The following RIDA variants were observed in gnomAD, a reference collection of about 807,000 sequenced individuals.
RIDA encodes the protein 2-iminobutanoate/2-iminopropanoate deaminase.
In RIDA, 17 loss-of-function variants were observed where a neutral mutation model predicts 17.8. The ratio of observed to expected loss-of-function variants is 0.96; its 90% CI spans 0.65 to 1.43. The LOEUF is 1.43. RIDA is among the 40% of genes most tolerant of loss of function. The pLI is 0.00. For missense variants in RIDA, 158 were observed against 161.7 expected, an observed-to-expected ratio of 0.98 and a Z score of 0.12; for synonymous variants, 48 against 55.7, an observed-to-expected ratio of 0.86 and a Z score of 0.62.
At chr8:98,113,902 T>G (rs1451382843) in intron 1 of RIDA, 1 of 152,220 alleles carries the variant, frequency 6.6e-6, no homozygotes, top group African/African-American at 2.4e-5. Flanking sequence ...ATCCCCTAAC[T>G]ATTCTCACTT....
Position 98,102,713 on chromosome 8 carries a change from A to G in RIDA, c.*129T>C. The stretch of plus-strand genomic sequence containing the variant: ...CTCCCTATTACATGGTATTTCCATA[A>G]TAGCTTCAGATATTTTCATCAAACT... On this transcript the variant is annotated 3_prime_UTR_variant, in exon 6 of 6. Transcript: ENST00000254878. 6.2e-6 allele frequency: 4 copies of G among 642,012 alleles called. No individual in the cohort carries two copies. Among genetic ancestry groups the G allele is most frequent in the Non-Finnish European group, 1.1e-5 (4 of 373,794 alleles). The allele number at this position is 642,012 out of a possible 1,614,324, so 39.8% of individuals were successfully genotyped here. A position where few individuals can be genotyped will look rare whatever the true frequency, so the allele number is the denominator to read the frequency against.
intron 2 of RIDA, among the ~76,000 whole-genome samples, chr8:98,108,352 G>T (rs1466356750): frequency 1.3e-5 from 2 of 149,762 alleles, no homozygotes; most frequent in Non-Finnish European, 1.5e-5. Context: ...GCCCTGAGAA[G>T]AAAATTTCCC....
chr8:98,116,994 C>A (rs1236249568), intron 1 of RIDA, 38 bp downstream of exon 1: 2 of 1,563,562 alleles, frequency 1.3e-6, no homozygotes, highest in African/African-American at 2.7e-5. Flanking sequence ...CGAACCCGCA[C>A]GCCCTGGGTC....
chr8:98,110,610 A>G (rs1815713608), intron 1 of RIDA, among the ~76,000 whole-genome samples: 1 of 152,218 alleles, frequency 6.6e-6, no homozygotes, highest in Non-Finnish European at 1.5e-5. Flanking sequence ...ATAGCTGTAA[A>G]GCAAAAAAAT....
At position 98,105,343 on chromosome 8, in the gene RIDA, T is replaced by C. The variant is rs534832285; in HGVS notation, c.295+595A>G. ...AAGTAACGATGCTTTTTCCAAGTTA[T>C]ACCTTTGCCTCATCCCATTAGGTGT... On this transcript the variant is annotated intron_variant, in intron 4 of 5. Transcript: ENST00000254878. Among the ~76,000 whole-genome samples the C allele has an allele frequency of 2.6e-4, 39 of 152,266 alleles. No individual in the cohort carries two copies. The South Asian group carries it at 7.7e-3, about 30-fold the overall frequency.
intron 1 of RIDA, among the ~76,000 whole-genome samples, chr8:98,109,237 T>C (rs1384640047): frequency 1.3e-5 from 2 of 152,032 alleles, no homozygotes; most frequent in Non-Finnish European, 2.9e-5. Context: ...AGGCAAGTCA[T>C]AGATTGGGAG....
At chr8:98,112,312 C>T (rs112091954) in intron 1 of RIDA, among the ~76,000 whole-genome samples, 328 of 152,108 alleles carry the variant, frequency 2.2e-3, no homozygotes, top group African/African-American at 7.5e-3. Flanking sequence ...GATCCTGCCT[C>T]GTGTTGTAAC....
At chr8:98,115,154 G>T (rs981107483) in intron 1 of RIDA, among the ~76,000 whole-genome samples, 1 of 152,072 alleles carries the variant, frequency 6.6e-6, no homozygotes, top group Non-Finnish European at 1.5e-5. Context: ...TTGGGAAGCC[G>T]AGGTAGGTGG....
intron 2 of RIDA, 38 bp from the exon 3 acceptor site, chr8:98,106,364 T>C: frequency 2.6e-6 from 4 of 1,542,634 alleles, no homozygotes; most frequent in Non-Finnish European, 3.6e-6. Flanking sequence ...GTCACTGATG[T>C]TAGATTTAAA....
chr8:98,105,885 C>T, intron 4 of RIDA, 53 bp downstream of exon 4: 1 of 1,078,614 alleles, frequency 9.3e-7, no homozygotes, highest in African/African-American at 1.6e-5. Context: ...TTAATGTGAC[C>T]AGATTTCTTT....
chr8:98,102,371 G>A lies in RIDA; in HGVS notation c.*471C>T, dbSNP rs1022962524. The A allele has an allele frequency of 6.6e-6, 1 of 152,184 alleles. No individual in the cohort carries two copies. The highest frequency in any genetic ancestry group is 1.5e-5 in the Non-Finnish European group (1 of 68,084). The allele number at this position is 152,184 out of a possible 1,614,324, so 9.4% of individuals were successfully genotyped here. A position where few individuals can be genotyped will look rare whatever the true frequency, so the allele number is the denominator to read the frequency against. The stretch of plus-strand genomic sequence containing the variant: ...AAATCTGCCTATTTTATTTCCATTA[G>A]AAAAATATTATCTATATAACATTTT... On this transcript the variant is annotated 3_prime_UTR_variant, in exon 6 of 6. Coordinates refer to ENST00000254878, the MANE Select transcript of RIDA (RefSeq NM_005836.3).
chr8:98,105,612 A>G (rs191178402), intron 4 of RIDA, among the ~76,000 whole-genome samples: 1 of 152,246 alleles, frequency 6.6e-6, no homozygotes, highest in African/African-American at 2.4e-5. Flanking sequence ...TGGCTGCACC[A>G]TACAGCCACA....
At chr8:98,108,519 A>C in intron 2 of RIDA, 127 bp downstream of exon 2, 1 of 649,094 alleles carries the variant, frequency 1.5e-6, no homozygotes, top group Non-Finnish European at 2.8e-6. Context: ...TAAATCAAGC[A>C]GTAAGTAGTT....
At position 98,117,104 on chromosome 8, in the gene RIDA, C is replaced by T. The variant is rs551012199; in HGVS notation, c.-8G>A. Reference sequence around the variant, plus strand: ...TCTGATCAAGGACGACATGGCTAAGCCTTCCCTCTTGCAGCCCCTTCAGGA... The same window carrying T: ...TCTGATCAAGGACGACATGGCTAAGTCTTCCCTCTTGCAGCCCCTTCAGGA... On this transcript the variant is annotated 5_prime_UTR_variant, in exon 1 of 6. Transcript: ENST00000254878. The T allele has an allele frequency of 2.2e-5, 36 of 1,613,968 alleles. No homozygotes were observed. In the South Asian group the frequency reaches 3.2e-4, roughly 14 times the overall value.
chr8:98,111,266 G>GT lies in RIDA; in HGVS notation c.66-2516dup, dbSNP rs1335025452. Among the ~76,000 whole-genome samples the GT allele has an allele frequency of 2.6e-5, 4 of 152,102 alleles. No homozygotes were observed. In the East Asian group the frequency reaches 7.7e-4, roughly 29 times the overall value. On this transcript the variant is annotated intron_variant, in intron 1 of 5. Transcript: ENST00000254878. The stretch of plus-strand genomic sequence containing the variant: ...ATTTTGGGATGAAGAAAGCCTATCT[G>GT]TTTTTTTAAAATGTTGAAGAAAGAA...
rs187404979 is a variant in RIDA, at chr8:98,116,460, C to T, written c.65+572G>A. 3.3e-5 allele frequency among the ~76,000 whole-genome samples: 5 copies of T among 152,258 alleles called. No individual in the cohort carries two copies. The East Asian group carries it at 9.6e-4, about 29-fold the overall frequency. ...AATGAAAGAAGTTGGTCATAAAGGA[C>T]TGCATGTTTTATGATTCAATTTATA... On this transcript the variant is annotated intron_variant, in intron 1 of 5. Coordinates refer to ENST00000254878, the MANE Select transcript of RIDA (RefSeq NM_005836.3).
chr8:98,108,167 G>A (rs1320744758), intron 2 of RIDA, among the ~76,000 whole-genome samples: 1 of 151,962 alleles, frequency 6.6e-6, no homozygotes, highest in East Asian at 1.9e-4. Context: ...TGCCAGCCTC[G>A]GCCTCCCAAA....
Position 98,117,116 on chromosome 8 carries a change from C to T in RIDA, c.-20G>A, listed in dbSNP as rs760399849. 5 of 1,612,680 alleles carry T rather than the reference C, an allele frequency of 3.1e-6. No homozygotes were observed. The highest frequency in any genetic ancestry group is 2.2e-5 in the East Asian group (1 of 44,864). ...CGACATGGCTAAGCCTTCCCTCTTG[C>T]AGCCCCTTCAGGAGAAGAAGCCCCA... On this transcript the variant is annotated 5_prime_UTR_variant, in exon 1 of 6. Transcript: ENST00000254878.
At chr8:98,116,626 G>A (rs1483326676) in intron 1 of RIDA, among the ~76,000 whole-genome samples, 1 of 152,136 alleles carries the variant, frequency 6.6e-6, no homozygotes, top group Non-Finnish European at 1.5e-5. Flanking sequence ...AGTGGTGATG[G>A]CTGCACAACT....
Sources: gnomAD v4.1 joint callset for allele counts (sites outside exome capture counted in the v4.1 genomes callset) on GRCh38, gnomAD v4.1.1 for gene constraint, MANE v1.5 for transcripts, NCBI Gene and HGNC (gene_info 2026-07-23, HGNC 2026-07-21) for gene names.